SLC25A21: variants seen among roughly 807,000 people sequenced by gnomAD.
SLC25A21 encodes mitochondrial 2-oxodicarboxylate carrier.
Under a neutral mutation model 43.8 loss-of-function variants are expected in SLC25A21, and 47 were observed. That is an observed-to-expected ratio of 1.07 (90% CI 0.85 to 1.37). The LOEUF is 1.37. SLC25A21 is among the 40% of genes most tolerant of loss of function. SLC25A21 has a pLI of 0.00. For missense variants in SLC25A21, 352 were observed against 350.2 expected, an observed-to-expected ratio of 1.00 and a Z score of -0.04; for synonymous variants, 131 against 121.3, an observed-to-expected ratio of 1.08 and a Z score of -0.52.
At chr14:36,900,585 C>T (rs1891371264) in intron 1 of SLC25A21, among the ~76,000 whole-genome samples, 1 of 152,154 alleles carries the variant, frequency 6.6e-6, no homozygotes, top group Non-Finnish European at 1.5e-5. Context: ...TCAAAAAACA[C>T]CTTTCCTATT....
rs74694065 is a variant in SLC25A21, at chr14:37,107,119, A to T, written c.70+65162T>A. ...GGAATAAAAAGAGAAATTTCTTTTT[A>T]AAAAAAATTAATTATTACTATTTTT... On this transcript the variant is annotated intron_variant, in intron 1 of 9. Coordinates refer to ENST00000331299, the MANE Select transcript of SLC25A21 (RefSeq NM_030631.4). 4.1e-3 allele frequency among the ~76,000 whole-genome samples: 622 copies of T among 152,182 alleles called. 9 individuals are homozygous for T. In the East Asian group the frequency reaches 0.045, roughly 11 times the overall value.
chr14:37,172,154 T>A, intron 1 of SLC25A21, 127 bp downstream of exon 1: 3 of 1,008,276 alleles, frequency 3.0e-6, no homozygotes, highest in Non-Finnish European at 4.3e-6. Flanking sequence ...CAAGCACTGC[T>A]CCGGGAGCGC....
In SLC25A21 at chr14:36,858,389, T is replaced by C. The variant is rs186320279; in HGVS notation, c.119+16567A>G. On this transcript the variant is annotated intron_variant, in intron 2 of 9. Transcript: ENST00000331299. ...TAAGCAACAAGAAACCACCAGAAAGTGTCGGCCTCAATTCTGAAAATATTT... is the reference window on the plus strand; with the variant it reads ...TAAGCAACAAGAAACCACCAGAAAGCGTCGGCCTCAATTCTGAAAATATTT... Among the ~76,000 whole-genome samples the C allele has an allele frequency of 3.3e-5, 5 of 152,324 alleles. No individual in the cohort carries two copies. In the East Asian group the frequency reaches 9.7e-4, roughly 29 times the overall value.
chr14:36,712,362 T>C (rs1407076411), intron 6 of SLC25A21, among the ~76,000 whole-genome samples: 1 of 151,590 alleles, frequency 6.6e-6, no homozygotes, highest in Non-Finnish European at 1.5e-5. Context: ...TTTTTTTTTT[T>C]CCACCCATGA....
At chr14:37,164,052 CAT>C (rs1250793937) in intron 1 of SLC25A21, among the ~76,000 whole-genome samples, 7 of 152,206 alleles carry the variant, frequency 4.6e-5, no homozygotes, top group Admixed American at 1.3e-4. Context: ...GGTTTAACCA[CAT>C]GTTTTTAAAA....
At chr14:36,934,782 G>C (rs1892379508) in intron 1 of SLC25A21, among the ~76,000 whole-genome samples, 1 of 151,860 alleles carries the variant, frequency 6.6e-6, no homozygotes, top group Non-Finnish European at 1.5e-5. Flanking sequence ...TTTATATGTT[G>C]GTGTCTTTTA....
At chr14:36,846,553 TG>T (rs1242108356) in intron 2 of SLC25A21, among the ~76,000 whole-genome samples, 1 of 152,086 alleles carries the variant, frequency 6.6e-6, no homozygotes, top group African/African-American at 2.4e-5. Flanking sequence ...AGCCAATTTT[TG>T]TATTTTTAGT....
intron 3 of SLC25A21, among the ~76,000 whole-genome samples, chr14:36,782,248 C>G (rs574788839): frequency 1.3e-5 from 2 of 152,138 alleles, no homozygotes; most frequent in Non-Finnish European, 2.9e-5. Context: ...TTTTGGGCCT[C>G]CCATACCTGG....
At chr14:36,782,297 C>T (rs895918744) in intron 3 of SLC25A21, among the ~76,000 whole-genome samples, 1 of 152,154 alleles carries the variant, frequency 6.6e-6, no homozygotes. Flanking sequence ...AGTTATTAGT[C>T]ATTATTTCTT....
At chr14:37,137,311 A>T (rs2138914646) in intron 1 of SLC25A21, among the ~76,000 whole-genome samples, 1 of 152,296 alleles carries the variant, frequency 6.6e-6, no homozygotes, top group South Asian at 2.1e-4. Context: ...CTGACTTTTG[A>T]ATGCTGGTAT....
chr14:37,022,649 C>T lies in SLC25A21; in HGVS notation c.71-147645G>A, dbSNP rs551809716. On this transcript the variant is annotated intron_variant, in intron 1 of 9. Transcript: ENST00000331299. ...TTGCTTTGAGTTTTTCCCAGCTCTT[C>T]GGCCTATGTGCAGATTAATCCTCCT... 3.3e-4 allele frequency among the ~76,000 whole-genome samples: 50 copies of T among 152,020 alleles called. 1 individual carries two copies. The South Asian group carries it at 9.8e-3, about 30-fold the overall frequency.
intron 1 of SLC25A21, among the ~76,000 whole-genome samples, chr14:36,925,792 G>C (rs915190063): frequency 6.6e-6 from 1 of 151,998 alleles, no homozygotes; most frequent in African/African-American, 2.4e-5. Flanking sequence ...GGTTGTAGTG[G>C]GCTGAGATCG....
intron 1 of SLC25A21, among the ~76,000 whole-genome samples, chr14:37,097,602 G>A (rs1324986689): frequency 1.3e-5 from 2 of 152,108 alleles, no homozygotes; most frequent in East Asian, 3.9e-4. Context: ...ATAATATCAG[G>A]CAGGGCGTCG....
chr14:36,996,304 C>T (rs1371850516), intron 1 of SLC25A21, among the ~76,000 whole-genome samples: 1 of 152,094 alleles, frequency 6.6e-6, no homozygotes, highest in Non-Finnish European at 1.5e-5. Context: ...GTCATGTCTG[C>T]CAGCCTTAAC....
intron 7 of SLC25A21, among the ~76,000 whole-genome samples, chr14:36,688,671 A>G (rs1378305973): frequency 2.6e-5 from 4 of 152,188 alleles, no homozygotes; most frequent in Non-Finnish European, 1.5e-5. Flanking sequence ...GCACCTCACT[A>G]CAGGTTAAAA....
intron 3 of SLC25A21, among the ~76,000 whole-genome samples, chr14:36,766,774 A>C (rs1346679884): frequency 6.6e-6 from 1 of 152,170 alleles, no homozygotes; most frequent in Non-Finnish European, 1.5e-5. Flanking sequence ...AACTGACTCC[A>C]GGGTCTGTCA....
At chr14:36,726,776 G>T (rs774386240) in intron 5 of SLC25A21, among the ~76,000 whole-genome samples, 1 of 152,200 alleles carries the variant, frequency 6.6e-6, no homozygotes, top group Non-Finnish European at 1.5e-5. Flanking sequence ...ATTATTTAGT[G>T]CTGAACCTCC....
chr14:37,132,896 A>T (rs1404994641), intron 1 of SLC25A21, among the ~76,000 whole-genome samples: 3 of 151,576 alleles, frequency 2.0e-5, no homozygotes, highest in Non-Finnish European at 4.4e-5. Flanking sequence ...ATACCAAGCT[A>T]ATTTTTGTAT....
chr14:36,924,392 T>C (rs1892071269), intron 1 of SLC25A21, among the ~76,000 whole-genome samples: 1 of 152,104 alleles, frequency 6.6e-6, no homozygotes, highest in African/African-American at 2.4e-5. Flanking sequence ...TGGATGAAGC[T>C]GGAAACCATC....
Sources: allele counts gnomAD v4.1 joint callset (sites outside exome capture counted in the v4.1 genomes callset), GRCh38; gene constraint gnomAD v4.1.1; transcripts MANE v1.5; gene names NCBI Gene and HGNC (gene_info 2026-07-23, HGNC 2026-07-21).